The following CALD1 variants were observed in gnomAD, a reference collection of about 807,000 sequenced individuals.
The protein encoded by CALD1 is caldesmon.
Under a neutral mutation model 99.9 loss-of-function variants are expected in CALD1, and 33 were observed. The ratio of observed to expected loss-of-function variants is 0.33; its 90% CI spans 0.25 to 0.44. The LOEUF (loss-of-function observed/expected upper bound fraction) is 0.44, where lower values mean the gene tolerates loss of function less well. CALD1 is among the 20% of genes least tolerant of loss of function. The pLI is 1.00. For synonymous variants in CALD1, 310 were observed against 325.0 expected (o/e 0.95, Z 0.50); for missense variants, 861 against 962.1 (o/e 0.89, Z 1.39).
chr7:134,843,725 T>C (rs1326763657), intron 1 of CALD1, among the ~76,000 whole-genome samples, 159 bp from the exon 2 acceptor site: 1 of 152,266 alleles, frequency 6.6e-6, no homozygotes, highest in Non-Finnish European at 1.5e-5. Flanking sequence ...TTCCTTAAAA[T>C]GCAAATGCAC....
At chr7:134,833,978 C>T (rs534244730) in intron 1 of CALD1, among the ~76,000 whole-genome samples, 7 of 152,252 alleles carry the variant, frequency 4.6e-5, no homozygotes, top group South Asian at 2.1e-4. Flanking sequence ...TTTTCTTCCA[C>T]GGAAGAAAGA....
chr7:134,963,064 G>A (rs189292804), intron 13 of CALD1: 2 of 358,614 alleles, frequency 5.6e-6, no homozygotes, highest in East Asian at 7.3e-5. Flanking sequence ...TTTATGGGAA[G>A]TGCAATCCAT....
chr7:134,778,382 C>G (rs919064201), upstream of CALD1, among the ~76,000 whole-genome samples: 1 of 152,142 alleles, frequency 6.6e-6, no homozygotes, highest in Admixed American at 6.5e-5. Flanking sequence ...ATAGTAAAAC[C>G]TCCCATTTTT....
intron 3 of CALD1, among the ~76,000 whole-genome samples, chr7:134,899,441 G>A (rs1802821064): frequency 6.6e-6 from 1 of 152,080 alleles, no homozygotes; most frequent in Non-Finnish European, 1.5e-5. Flanking sequence ...GACCTCAGGT[G>A]ATCCGCCCGC....
intron 3 of CALD1, chr7:134,891,789 G>A: frequency 1.3e-6 from 1 of 774,572 alleles, no homozygotes; most frequent in Non-Finnish European, 2.0e-6. Flanking sequence ...GGAGGGGAGA[G>A]GAGGAGACAC....
chr7:134,927,233 T>C (rs913693856), intron 3 of CALD1, among the ~76,000 whole-genome samples: 1 of 152,176 alleles, frequency 6.6e-6, no homozygotes, highest in Non-Finnish European at 1.5e-5. Flanking sequence ...AATTCTTTAT[T>C]TGGAAATAAG....
At chr7:134,959,820 A>G (rs989326112) in intron 11 of CALD1, among the ~76,000 whole-genome samples, 154 bp from the exon 12 acceptor site, 3 of 152,212 alleles carry the variant, frequency 2.0e-5, no homozygotes, top group African/African-American at 4.8e-5. Context: ...TCATCAGCAT[A>G]CAGTTTTACA....
At chr7:134,894,001 TAAC>T (rs1802388441) in intron 3 of CALD1, among the ~76,000 whole-genome samples, 1 of 152,178 alleles carries the variant, frequency 6.6e-6, no homozygotes, top group South Asian at 2.1e-4. Context: ...TTACGTATGA[TAAC>T]AGACAAAATG....
chr7:134,771,676 C>A (rs1796878967), intron 1 of CALD1, among the ~76,000 whole-genome samples: 1 of 152,166 alleles, frequency 6.6e-6, no homozygotes, highest in African/African-American at 2.4e-5. Context: ...TTAGAACAAG[C>A]CCCGCAGTAC....
intron 7 of CALD1, 46 bp downstream of exon 7, chr7:134,941,283 GAAAA>G: frequency 6.5e-6 from 7 of 1,079,752 alleles, no homozygotes; most frequent in Non-Finnish European, 7.6e-6. Context: ...CACATGCAAA[GAAAA>G]AAAAAAAAAA....
chr7:134,755,713 G>T (rs1293567121), intron 1 of CALD1, among the ~76,000 whole-genome samples: 2 of 152,032 alleles, frequency 1.3e-5, no homozygotes, highest in Non-Finnish European at 2.9e-5. Flanking sequence ...TCTGTCTCTT[G>T]TCTTTACATT....
chr7:134,898,659 C>T (rs1215964461), intron 3 of CALD1, among the ~76,000 whole-genome samples: 1 of 151,920 alleles, frequency 6.6e-6, no homozygotes, highest in Non-Finnish European at 1.5e-5. Context: ...CTGCAACCTC[C>T]ACCTCCTGGG....
rs974900136 is a variant in CALD1, at chr7:134,968,408, C to T, written c.*63C>T. Reference sequence around the variant, plus strand: ...CGAGCTCAGTTGTAGAGGGCTAATTCGCTCTGTTTTGTATTTATGTTGATT... The same window carrying T: ...CGAGCTCAGTTGTAGAGGGCTAATTTGCTCTGTTTTGTATTTATGTTGATT... On this transcript the variant is annotated 3_prime_UTR_variant, in exon 15 of 15. Coordinates refer to ENST00000361675, the MANE Select transcript of CALD1 (RefSeq NM_033138.4). The T allele has an allele frequency of 1.1e-4, 163 of 1,477,772 alleles. No homozygotes were observed. Among genetic ancestry groups the T allele is most frequent in the Non-Finnish European group, 1.4e-4 (143 of 1,056,012 alleles). The allele number at this position is 1,477,772 out of a possible 1,614,324, so 91.5% of individuals were successfully genotyped here.
chr7:134,818,095 C>G (rs993155170), intron 1 of CALD1, among the ~76,000 whole-genome samples: 5 of 152,252 alleles, frequency 3.3e-5, no homozygotes, highest in East Asian at 1.9e-4. Flanking sequence ...TACATACACA[C>G]AGTTGGGTTG....
At chr7:134,870,076 T>C (rs1310944951) in intron 3 of CALD1, among the ~76,000 whole-genome samples, 1 of 152,200 alleles carries the variant, frequency 6.6e-6, no homozygotes, top group African/African-American at 2.4e-5. Flanking sequence ...ATCCAACAAC[T>C]ATTTATTAAG....
intron 14 of CALD1, among the ~76,000 whole-genome samples, chr7:134,966,873 A>G (rs17168134): frequency 0.23 from 35,423 of 152,024 alleles, 4,632 homozygotes; most frequent in Admixed American, 0.38. Flanking sequence ...TTTGTCAGCC[A>G]TGCAATGTAA....
intron 1 of CALD1, among the ~76,000 whole-genome samples, chr7:134,788,906 T>C (rs1181585086): frequency 6.6e-6 from 1 of 151,898 alleles, no homozygotes; most frequent in Non-Finnish European, 1.5e-5. Flanking sequence ...TCCCAGCTAC[T>C]TGGGAGGCTG....
intron 7 of CALD1, among the ~76,000 whole-genome samples, 155 bp from the exon 8 acceptor site, chr7:134,947,353 T>G (rs972766252): frequency 6.6e-6 from 1 of 152,114 alleles, no homozygotes; most frequent in Non-Finnish European, 1.5e-5. Flanking sequence ...ACTCTGTGAT[T>G]CCGGGCAGAC....
At position 134,867,692 on chromosome 7, in the gene CALD1, G is replaced by C; in HGVS notation, c.-41-1G>C. The C allele has an allele frequency of 7.9e-7, 1 of 1,272,898 alleles. No individual in the cohort carries two copies. The highest frequency in any genetic ancestry group is 1.1e-6 in the Non-Finnish European group (1 of 882,248). The allele number at this position is 1,272,898 out of a possible 1,614,324, so 78.9% of individuals were successfully genotyped here. A position where few individuals can be genotyped will look rare whatever the true frequency, so the allele number is the denominator to read the frequency against. On this transcript the variant is annotated splice_acceptor_variant, in intron 2 of 14. Coordinates refer to ENST00000361675, the MANE Select transcript of CALD1 (RefSeq NM_033138.4). LOFTEE classifies it low-confidence loss of function (5UTR_SPLICE). The stretch of plus-strand genomic sequence containing the variant: ...TATTGACTCTACCTCCTCTCTTTCA[G>C]GTCCAGACATCATCTGGTCTCCCTG...
Sources: gnomAD v4.1 joint callset for allele counts (sites outside exome capture counted in the v4.1 genomes callset) on GRCh38, gnomAD v4.1.1 for gene constraint, MANE v1.5 for transcripts, NCBI Gene and HGNC (gene_info 2026-07-23, HGNC 2026-07-21) for gene names.